Variants in ADGRB3 observed in about 807,000 individuals in gnomAD.
ADGRB3 encodes adhesion G protein-coupled receptor B3, also known as brain-specific angiogenesis inhibitor 3.
ADGRB3 carries 37 observed loss-of-function variants against 193.4 expected under a neutral mutation model. The ratio of observed to expected loss-of-function variants is 0.19; its 90% CI spans 0.15 to 0.25. The LOEUF is 0.25. Among genes scored for constraint, ADGRB3 ranks in the 10% least tolerant of loss-of-function variants. The pLI, the probability that ADGRB3 is intolerant of heterozygous loss-of-function variation, is 1.00. For synonymous variants in ADGRB3, 690 were observed against 644.2 expected (o/e 1.07, Z -1.08); for missense variants, 1,637 against 1,852.9 (o/e 0.88, Z 2.14).
chr6:69,041,980 G>T (rs1572940), intron 13 of ADGRB3, among the ~76,000 whole-genome samples: 16,082 of 152,184 alleles, frequency 0.11, 1,729 homozygotes, highest in East Asian at 0.58. Flanking sequence ...TAATCCCCAT[G>T]TGTCCTGGGA....
intron 3 of ADGRB3, among the ~76,000 whole-genome samples, chr6:68,799,584 G>C (rs1767274821): frequency 6.6e-6 from 1 of 151,952 alleles, no homozygotes; most frequent in Admixed American, 6.6e-5. Flanking sequence ...AAAGTTACCT[G>C]TCCTTAGGTA....
chr6:68,718,148 T>A (rs1765516772), intron 3 of ADGRB3, among the ~76,000 whole-genome samples: 2 of 151,760 alleles, frequency 1.3e-5, no homozygotes, highest in South Asian at 4.1e-4. Context: ...CTTTACTTTC[T>A]CTTAAATTAT....
At chr6:68,941,517 C>T (rs1184897243) in intron 5 of ADGRB3, among the ~76,000 whole-genome samples, 1 of 151,526 alleles carries the variant, frequency 6.6e-6, no homozygotes, top group Admixed American at 6.6e-5. Flanking sequence ...GAAAATATGC[C>T]AATTTAGCAT....
intron 17 of ADGRB3, among the ~76,000 whole-genome samples, chr6:69,230,516 A>T (rs530910341): frequency 2.0e-4 from 30 of 152,296 alleles, no homozygotes; most frequent in Middle Eastern, 3.4e-3. Context: ...CTTTCAAAGA[A>T]TTTTTTACAG....
At chr6:68,895,722 T>G (rs1766200777) in intron 3 of ADGRB3, among the ~76,000 whole-genome samples, 1 of 152,032 alleles carries the variant, frequency 6.6e-6, no homozygotes, top group Non-Finnish European at 1.5e-5. Context: ...GTACAGAATG[T>G]TAAGACTTAT....
intron 5 of ADGRB3, 39 bp from the exon 6 acceptor site, chr6:68,943,791 C>T (rs1767702451): frequency 6.6e-7 from 1 of 1,514,412 alleles, no homozygotes; most frequent in South Asian, 1.4e-5. Flanking sequence ...GATTTTACTG[C>T]TCTGCTTTTG....
At chr6:69,006,018 G>A (rs1673034909) in intron 11 of ADGRB3, among the ~76,000 whole-genome samples, 1 of 152,070 alleles carries the variant, frequency 6.6e-6, no homozygotes, top group Admixed American at 6.6e-5. Flanking sequence ...ATGGTATTGG[G>A]CCTCTTGGTC....
intron 16 of ADGRB3, among the ~76,000 whole-genome samples, chr6:69,064,306 ATTTAAACTATTTAAC>A (rs1235167829): frequency 6.6e-6 from 1 of 151,800 alleles, no homozygotes; most frequent in Non-Finnish European, 1.5e-5. Context: ...TAGTTTAACT[ATTTAAACTATTTAAC>A]TTTAAACTAT....
At chr6:69,256,697 C>T (rs1210917194) in intron 20 of ADGRB3, among the ~76,000 whole-genome samples, 1 of 152,140 alleles carries the variant, frequency 6.6e-6, no homozygotes, top group African/African-American at 2.4e-5. Flanking sequence ...CCCTTTATTT[C>T]CTTCTCCTGC....
At chr6:68,870,344 T>C (rs578067197) in intron 3 of ADGRB3, among the ~76,000 whole-genome samples, 71 of 152,316 alleles carry the variant, frequency 4.7e-4, no homozygotes, top group African/African-American at 1.6e-3. Flanking sequence ...GACTATTTAG[T>C]ATTTTAATCA....
chr6:68,650,065 C>A (rs990754419), intron 3 of ADGRB3, among the ~76,000 whole-genome samples: 1 of 152,156 alleles, frequency 6.6e-6, no homozygotes, highest in African/African-American at 2.4e-5. Flanking sequence ...CCCTGACTAA[C>A]ACCAAGGTGT....
chr6:68,785,047 C>T (rs904199627), intron 3 of ADGRB3, among the ~76,000 whole-genome samples: 2 of 151,962 alleles, frequency 1.3e-5, no homozygotes, highest in African/African-American at 4.8e-5. Context: ...TGAAAGAACC[C>T]CTGAATCTCC....
At chr6:68,655,025 A>C (rs1031168384) in intron 3 of ADGRB3, among the ~76,000 whole-genome samples, 2 of 151,550 alleles carry the variant, frequency 1.3e-5, no homozygotes, top group African/African-American at 4.8e-5. Flanking sequence ...TGAGGAAGTC[A>C]CATATATTAT....
chr6:68,788,533 T>G (rs1490301249), intron 3 of ADGRB3, among the ~76,000 whole-genome samples: 1 of 152,212 alleles, frequency 6.6e-6, no homozygotes, highest in Non-Finnish European at 1.5e-5. Context: ...TTTGTTATAA[T>G]TTCTGTTCTT....
intron 3 of ADGRB3, among the ~76,000 whole-genome samples, chr6:68,861,486 C>T (rs552260727): frequency 4.6e-5 from 7 of 152,046 alleles, no homozygotes; most frequent in East Asian, 3.9e-4. Context: ...GGCGTGAACC[C>T]GGGAGGTGGA....
At chr6:68,691,798 A>G (rs1020678826) in intron 3 of ADGRB3, among the ~76,000 whole-genome samples, 6 of 151,240 alleles carry the variant, frequency 4.0e-5, no homozygotes, top group Non-Finnish European at 5.9e-5. Flanking sequence ...TTCTATTTCT[A>G]CTCTACTTGT....
At chr6:69,268,406 C>A (rs1230716636) in intron 20 of ADGRB3, among the ~76,000 whole-genome samples, 1 of 152,130 alleles carries the variant, frequency 6.6e-6, no homozygotes, top group South Asian at 2.1e-4. Flanking sequence ...CAATGTATTA[C>A]ATTAAACAGT....
chr6:69,038,838 A>G (rs1770949300), intron 13 of ADGRB3, among the ~76,000 whole-genome samples: 1 of 152,246 alleles, frequency 6.6e-6, no homozygotes, highest in South Asian at 2.1e-4. Flanking sequence ...AAGGTTCAGT[A>G]GTTCCTTCTT....
chr6:69,133,706 A>G (rs920562943), intron 17 of ADGRB3, among the ~76,000 whole-genome samples: 8 of 151,512 alleles, frequency 5.3e-5, no homozygotes, highest in African/African-American at 1.9e-4. Context: ...TTTTATTTTA[A>G]AGTTTTGGGG....
Sources: allele counts gnomAD v4.1 joint callset (sites outside exome capture counted in the v4.1 genomes callset), GRCh38; gene constraint gnomAD v4.1.1; transcripts MANE v1.5; gene names NCBI Gene and HGNC (gene_info 2026-07-23, HGNC 2026-07-21).